The following TSPAN5 variants were observed in gnomAD, a reference collection of about 807,000 sequenced individuals.
TSPAN5 encodes the protein tetraspanin 5.
In TSPAN5, 10 loss-of-function variants were observed where a neutral mutation model predicts 37.1. The ratio of observed to expected loss-of-function variants is 0.27; its 90% CI spans 0.17 to 0.46. The LOEUF (loss-of-function observed/expected upper bound fraction) is 0.46, where lower values mean the gene tolerates loss of function less well. TSPAN5 is among the 20% of genes least tolerant of loss of function. The pLI is 1.00. For synonymous variants in TSPAN5, 110 were observed against 118.9 expected (o/e 0.93, Z 0.48); for missense variants, 195 against 326.6 (o/e 0.60, Z 3.11).
chr4:98,478,863 C>T (rs964012747), intron 4 of TSPAN5, 53 bp from the exon 5 acceptor site: 33 of 1,599,278 alleles, frequency 2.1e-5, no homozygotes, highest in Admixed American at 6.7e-5. Context: ...CAAGCAGTCA[C>T]CTACACTCAC....
intron 1 of TSPAN5, among the ~76,000 whole-genome samples, chr4:98,613,540 G>A (rs768845799): frequency 2.6e-5 from 4 of 152,142 alleles, no homozygotes; most frequent in Non-Finnish European, 5.9e-5. Flanking sequence ...TGCAAATATG[G>A]CCTCTGCAAA....
intron 1 of TSPAN5, among the ~76,000 whole-genome samples, chr4:98,546,329 C>T (rs6532745): frequency 0.6 from 91,101 of 152,018 alleles, 27,603 homozygotes; most frequent in South Asian, 0.75. Flanking sequence ...TCAGCCACTA[C>T]ACGGTGCCCT....
At chr4:98,647,656 AATGTTTTGCCATTTGTAG>A (rs1757097751) in intron 1 of TSPAN5, among the ~76,000 whole-genome samples, 2 of 152,196 alleles carry the variant, frequency 1.3e-5, no homozygotes, top group South Asian at 2.1e-4. Context: ...AGAGAGCCAA[AATGTTTTGCCATTTGTAG>A]ATGTTTTGCC....
chr4:98,489,540 C>G (rs904120706), intron 2 of TSPAN5, among the ~76,000 whole-genome samples: 1 of 152,150 alleles, frequency 6.6e-6, no homozygotes, highest in African/African-American at 2.4e-5. Context: ...ACTCTCTGGT[C>G]TGTGTTTGTT....
At chr4:98,628,849 A>G (rs1182789582) in intron 1 of TSPAN5, among the ~76,000 whole-genome samples, 2 of 152,242 alleles carry the variant, frequency 1.3e-5, no homozygotes, top group Non-Finnish European at 2.9e-5. Flanking sequence ...TGTACATTGC[A>G]GAGAGAAGGC....
intron 1 of TSPAN5, among the ~76,000 whole-genome samples, chr4:98,625,048 C>A (rs939077839): frequency 6.6e-6 from 1 of 152,032 alleles, no homozygotes; most frequent in Admixed American, 6.6e-5. Flanking sequence ...ATGATAATAA[C>A]AACAACAATA....
chr4:98,629,047 C>G (rs896832167), intron 1 of TSPAN5, among the ~76,000 whole-genome samples: 3 of 152,122 alleles, frequency 2.0e-5, no homozygotes, highest in African/African-American at 7.2e-5. Context: ...GAGTTCAAAA[C>G]TAGCCATCAT....
chr4:98,636,528 G>A (rs1386431655), intron 1 of TSPAN5, among the ~76,000 whole-genome samples: 3 of 152,092 alleles, frequency 2.0e-5, no homozygotes, highest in Non-Finnish European at 4.4e-5. Context: ...GGAGAGTGGC[G>A]CTTTAGGGAA....
chr4:98,498,810 C>T (rs2110277513), intron 2 of TSPAN5, among the ~76,000 whole-genome samples: 1 of 152,266 alleles, frequency 6.6e-6, no homozygotes. Context: ...TGCCTCCTGC[C>T]CTTGCAACCT....
intron 1 of TSPAN5, among the ~76,000 whole-genome samples, chr4:98,570,081 A>T (rs1487863626): frequency 6.6e-6 from 1 of 152,218 alleles, no homozygotes; most frequent in African/African-American, 2.4e-5. Context: ...AAACTTTTTC[A>T]GCCAAAGGAA....
At position 98,470,705 on chromosome 4, in the gene TSPAN5, C is replaced by CT. The variant is rs1234045310; in HGVS notation, c.*1816dup. 6.6e-6 allele frequency: 1 copy of CT among 152,228 alleles called. No homozygotes were observed. Among genetic ancestry groups the CT allele is most frequent in the Non-Finnish European group, 1.5e-5 (1 of 68,052 alleles). The allele number at this position is 152,228 out of a possible 1,614,324, so 9.4% of individuals were successfully genotyped here. A position where few individuals can be genotyped will look rare whatever the true frequency, so the allele number is the denominator to read the frequency against. ...CGGAGTAAGATGTGAATACCTCTACCTATACAGAGACAAAAACACACACAT... is the reference window on the plus strand; with the variant it reads ...CGGAGTAAGATGTGAATACCTCTACCTTATACAGAGACAAAAACACACACAT... On this transcript the variant is annotated 3_prime_UTR_variant, in exon 8 of 8. Transcript: ENST00000305798.
intron 1 of TSPAN5, among the ~76,000 whole-genome samples, chr4:98,541,140 T>C (rs1754347694): frequency 6.6e-6 from 1 of 152,168 alleles, no homozygotes; most frequent in Admixed American, 6.5e-5. Context: ...TCAGCTGGCC[T>C]CATTCCCTCC....
chr4:98,472,470 G>T lies in TSPAN5; in HGVS notation c.*52C>A. 1 of 1,547,044 alleles carries T rather than the reference G, an allele frequency of 6.5e-7. No individual in the cohort carries two copies. The highest frequency in any genetic ancestry group is 8.9e-7 in the Non-Finnish European group (1 of 1,122,374). ...CGAAGATCAGTTCGGCACGCGGGAG[G>T]GTCCCGAAAGCTGGGTCTGTCCAGT... On this transcript the variant is annotated 3_prime_UTR_variant, in exon 8 of 8. Coordinates refer to ENST00000305798, the MANE Select transcript of TSPAN5 (RefSeq NM_005723.4).
At chr4:98,528,691 T>C (rs1227811258) in intron 1 of TSPAN5, among the ~76,000 whole-genome samples, 2 of 152,204 alleles carry the variant, frequency 1.3e-5, no homozygotes, top group Admixed American at 6.5e-5. Context: ...CAGAGCATTA[T>C]TGAAATTTGC....
At chr4:98,614,447 C>T (rs1433536834) in intron 1 of TSPAN5, among the ~76,000 whole-genome samples, 1 of 152,106 alleles carries the variant, frequency 6.6e-6, no homozygotes, top group Non-Finnish European at 1.5e-5. Flanking sequence ...GTTTCCACAC[C>T]TTGTGAAACC....
chr4:98,522,438 A>AAATC (rs1440301377), intron 1 of TSPAN5, among the ~76,000 whole-genome samples: 7 of 152,224 alleles, frequency 4.6e-5, no homozygotes, highest in Non-Finnish European at 8.8e-5. Context: ...ACCTCCGATC[A>AAATC]AATCAACCAT....
chr4:98,477,478 A>C (rs917087310), intron 5 of TSPAN5, among the ~76,000 whole-genome samples: 1 of 151,964 alleles, frequency 6.6e-6, no homozygotes, highest in Admixed American at 6.6e-5. Flanking sequence ...GAGCATCCCC[A>C]CTGAGCTCAT....
intron 1 of TSPAN5, among the ~76,000 whole-genome samples, chr4:98,612,698 G>C (rs28531755): frequency 0.26 from 39,572 of 151,872 alleles, 5,678 homozygotes; most frequent in South Asian, 0.45. Context: ...CTCCCCGCGG[G>C]GCTCCCCCCG....
intron 1 of TSPAN5, among the ~76,000 whole-genome samples, chr4:98,570,109 A>G (rs1048613275): frequency 5.3e-5 from 8 of 152,232 alleles, no homozygotes; most frequent in African/African-American, 1.9e-4. Flanking sequence ...TTCTTTAAAC[A>G]GAAGAATCAA....
Sources: allele counts gnomAD v4.1 joint callset (sites outside exome capture counted in the v4.1 genomes callset), GRCh38; gene constraint gnomAD v4.1.1; transcripts MANE v1.5; gene names NCBI Gene and HGNC (gene_info 2026-07-23, HGNC 2026-07-21).